The following NAALADL2 variants were observed in gnomAD, a reference collection of about 807,000 sequenced individuals.
The protein encoded by NAALADL2 is inactive N-acetylated-alpha-linked acidic dipeptidase-like protein 2.
Under a neutral mutation model 87.2 loss-of-function variants are expected in NAALADL2, and 76 were observed. The ratio of observed to expected loss-of-function variants is 0.87; its 90% CI spans 0.72 to 1.05. The LOEUF is 1.05. Ranked by LOEUF, NAALADL2 falls within the 50% of genes least tolerant of loss-of-function variation. NAALADL2 has a pLI of 0.00. For synonymous variants in NAALADL2, 354 were observed against 331.0 expected (o/e 1.07, Z -0.75); for missense variants, 1,089 against 945.8 (o/e 1.15, Z -1.99).
intron 9 of NAALADL2, among the ~76,000 whole-genome samples, chr3:175,510,199 A>G (rs1276343262): frequency 6.6e-6 from 1 of 152,160 alleles, no homozygotes; most frequent in African/African-American, 2.4e-5. Flanking sequence ...TTATAAAACC[A>G]TCAGATCTCA....
intron 2 of NAALADL2, among the ~76,000 whole-genome samples, chr3:174,658,476 TTGAG>T (rs1725193246): frequency 6.6e-6 from 1 of 152,164 alleles, no homozygotes; most frequent in African/African-American, 2.4e-5. Context: ...TTTTTTATTA[TTGAG>T]TTTTTAGAAA....
intron 3 of NAALADL2, among the ~76,000 whole-genome samples, chr3:174,794,312 C>T (rs1316520327): frequency 6.6e-6 from 1 of 152,052 alleles, no homozygotes; most frequent in South Asian, 2.1e-4. Flanking sequence ...TTTATAGGTA[C>T]TAGATGAAAT....
chr3:175,566,862 T>C (rs1423656976), intron 9 of NAALADL2, among the ~76,000 whole-genome samples: 2 of 152,170 alleles, frequency 1.3e-5, no homozygotes, highest in African/African-American at 4.8e-5. Context: ...TGTTTGTTTA[T>C]GGTAATTTTT....
chr3:174,833,543 G>T (rs564258996), intron 3 of NAALADL2, among the ~76,000 whole-genome samples: 1 of 151,926 alleles, frequency 6.6e-6, no homozygotes, highest in East Asian at 1.9e-4. Flanking sequence ...ACTTGCCCAC[G>T]TATATTATGA....
chr3:175,201,137 T>C (rs1301127340), intron 2 of NAALADL2, among the ~76,000 whole-genome samples: 2 of 152,170 alleles, frequency 1.3e-5, no homozygotes, highest in Admixed American at 6.6e-5. Context: ...ACCTGTGGAA[T>C]ATAAAATCCC....
chr3:175,053,473 G>C (rs951450171), intron 1 of NAALADL2, among the ~76,000 whole-genome samples: 4 of 152,118 alleles, frequency 2.6e-5, no homozygotes, highest in African/African-American at 9.7e-5. Flanking sequence ...GCCTCAGCAT[G>C]GCTGCAACCA....
chr3:174,646,131 A>C (rs1723758152), intron 2 of NAALADL2, among the ~76,000 whole-genome samples: 1 of 152,066 alleles, frequency 6.6e-6, no homozygotes, highest in Non-Finnish European at 1.5e-5. Flanking sequence ...CATTCAGCTG[A>C]GACTACACAT....
intron 9 of NAALADL2, among the ~76,000 whole-genome samples, chr3:175,572,926 G>T (rs1718306220): frequency 6.6e-6 from 1 of 151,396 alleles, no homozygotes; most frequent in African/African-American, 2.4e-5. Flanking sequence ...TGCAAGGATT[G>T]ATTGGAATGG....
At chr3:174,816,931 T>C (rs1387458581) in intron 3 of NAALADL2, among the ~76,000 whole-genome samples, 1 of 152,172 alleles carries the variant, frequency 6.6e-6, no homozygotes, top group African/African-American at 2.4e-5. Flanking sequence ...AAATCATATA[T>C]TGGACTATTC....
At chr3:175,585,058 C>T (rs189393428) in intron 10 of NAALADL2, among the ~76,000 whole-genome samples, 1 of 152,026 alleles carries the variant, frequency 6.6e-6, no homozygotes, top group African/African-American at 2.4e-5. Flanking sequence ...TAACATTTAG[C>T]TTAAAACCCA....
chr3:175,255,024 T>C (rs1253780440), intron 3 of NAALADL2, among the ~76,000 whole-genome samples: 1 of 152,184 alleles, frequency 6.6e-6, no homozygotes, highest in Admixed American at 6.5e-5. Context: ...TGTAATGGGC[T>C]CTTCACCAAG....
chr3:175,505,662 G>A (rs1560670081), intron 9 of NAALADL2, among the ~76,000 whole-genome samples: 1 of 152,092 alleles, frequency 6.6e-6, no homozygotes, highest in Non-Finnish European at 1.5e-5. Context: ...TTCACATAAT[G>A]AAAGCAAGGG....
chr3:174,786,144 A>G (rs948498846), intron 3 of NAALADL2, among the ~76,000 whole-genome samples: 3 of 152,108 alleles, frequency 2.0e-5, no homozygotes, highest in Non-Finnish European at 4.4e-5. Context: ...TGCTTAGCAA[A>G]AAGCTTTACT....
In NAALADL2 at chr3:175,464,561, C is replaced by T. The variant is rs150482346; in HGVS notation, c.1327+1068C>T. On this transcript the variant is annotated intron_variant, in intron 7 of 13. Transcript: ENST00000454872. The stretch of plus-strand genomic sequence containing the variant: ...GCCTGTTATACAGTGTAGCATGTAA[C>T]ACTCTTTTTATTACACTTTTGCTAC... 7.2e-4 allele frequency among the ~76,000 whole-genome samples: 109 copies of T among 152,188 alleles called. 4 individuals are homozygous for T. Among genetic ancestry groups the T allele is most frequent in the African/African-American group, 1.8e-3 (73 of 41,516 alleles).
At chr3:174,500,140 T>C (rs983275297) in intron 1 of NAALADL2, among the ~76,000 whole-genome samples, 1 of 152,168 alleles carries the variant, frequency 6.6e-6, no homozygotes, top group African/African-American at 2.4e-5. Flanking sequence ...TTCTACACCT[T>C]TTGTCAAATT....
At chr3:175,138,625 GTTATTA>G (rs970579740) in intron 2 of NAALADL2, among the ~76,000 whole-genome samples, 1 of 148,258 alleles carries the variant, frequency 6.7e-6, no homozygotes. Context: ...TATTATTATT[GTTATTA>G]TTATTATTAT....
At chr3:174,776,841 G>A (rs887382992) in intron 3 of NAALADL2, among the ~76,000 whole-genome samples, 15 of 152,054 alleles carry the variant, frequency 9.9e-5, no homozygotes, top group African/African-American at 2.7e-4. Context: ...AAGCTGCATT[G>A]TTTGCACATA....
At chr3:175,460,286 A>G in intron 6 of NAALADL2, 2 of 435,742 alleles carry the variant, frequency 4.6e-6, no homozygotes, top group Non-Finnish European at 9.1e-6. Context: ...ATGCATATTT[A>G]TTTTCAGATG....
At chr3:175,087,746 A>G (rs1430934491) in intron 1 of NAALADL2, among the ~76,000 whole-genome samples, 1 of 151,946 alleles carries the variant, frequency 6.6e-6, no homozygotes, top group Non-Finnish European at 1.5e-5. Context: ...CCCTAATCTC[A>G]AGTACCCAGG....
Sources: allele counts gnomAD v4.1 joint callset (sites outside exome capture counted in the v4.1 genomes callset), GRCh38; gene constraint gnomAD v4.1.1; transcripts MANE v1.5; gene names NCBI Gene and HGNC (gene_info 2026-07-23, HGNC 2026-07-21).